The following MRPL21 variants were observed in gnomAD, a reference collection of about 807,000 sequenced individuals.
MRPL21 encodes mitochondrial ribosomal protein L21, also known as large ribosomal subunit protein bL21m.
Under a neutral mutation model 27.3 loss-of-function variants are expected in MRPL21, and 20 were observed. The observed-to-expected ratio is 0.73, with a 90% CI of 0.52 to 1.06. The LOEUF (loss-of-function observed/expected upper bound fraction) is 1.06, where lower values mean the gene tolerates loss of function less well. MRPL21 is among the 50% of genes least tolerant of loss of function. The pLI is 0.00. For synonymous variants in MRPL21, 98 were observed against 101.5 expected (o/e 0.97, Z 0.21); for missense variants, 249 against 251.4 (o/e 0.99, Z 0.06).
intron 3 of MRPL21, 56 bp downstream of exon 3, chr11:68,897,871 A>G: frequency 7.3e-7 from 1 of 1,360,800 alleles, no homozygotes; most frequent in Non-Finnish European, 1.1e-6. Flanking sequence ...TCTGTGGCTG[A>G]CTGGAGCAGG....
rs377409001 is a variant in MRPL21, at chr11:68,897,920, G to A, written c.232+7C>T. ...CCTCTAGCTTCTGTCTCCCAGGGAG[G>A]TCTTACCTGCATGGTGTCTGGTCTC... On this transcript the variant is annotated splice_region_variant and intron_variant, in intron 3 of 6. Transcript: ENST00000362034. The A allele has an allele frequency of 5.0e-6, 8 of 1,612,768 alleles. No individual in the cohort carries two copies. In the African/African-American group the frequency reaches 9.3e-5, roughly 19 times the overall value.
At chr11:68,893,591 G>A in intron 4 of MRPL21, 136 bp from the exon 5 acceptor site, 1 of 1,175,782 alleles carries the variant, frequency 8.5e-7, no homozygotes. Flanking sequence ...TTCATCTGCT[G>A]TCTAATGATC....
intron 5 of MRPL21, 168 bp downstream of exon 5, chr11:68,893,235 A>G: frequency 6.9e-7 from 1 of 1,439,074 alleles, no homozygotes; most frequent in East Asian, 2.5e-5. Flanking sequence ...TTTGGTCTGG[A>G]TGTTCTCATG....
chr11:68,895,865 C>T lies in MRPL21; in HGVS notation c.396+650G>A, dbSNP rs183071431. On this transcript the variant is annotated intron_variant, in intron 4 of 6. Transcript: ENST00000362034. ...TTTGGAATTTTAGTAGAGATGAGGT[C>T]TCTGAGGTCTCACCATGTTGCCCAG... is the stretch of plus-strand genomic sequence containing the variant. Among the ~76,000 whole-genome samples the T allele has an allele frequency of 2.0e-3, 298 of 152,170 alleles. 3 individuals carry two copies. Among genetic ancestry groups the T allele is most frequent in the African/African-American group, 6.6e-3 (273 of 41,514 alleles).
At position 68,903,788 on chromosome 11, in the gene MRPL21, A is replaced by C; in HGVS notation, c.23T>G (p.Val8Gly). ...CGCGGACGCCAGCCGCCCTAAGGTG[A>C]CCGTCAGGGAAGATGCTGCCATGGC... Reference protein sequence around the residue: MAASSLTVTLGRLASACS... With the variant: MAASSLTGTLGRLASACS... The change falls in exon 1 of 7, where the codon GTC becomes GGC. Residue 8 changes from valine (V) to glycine (G), a missense_variant. Physicochemically the swap from Val to Gly is moderately radical, Grantham distance 109. Transcript: ENST00000362034. 6.3e-7 allele frequency: 1 copy of C among 1,599,590 alleles called. No homozygotes were observed.
At chr11:68,891,546 A>C (rs1857646630) in intron 6 of MRPL21, 151 bp from the exon 7 acceptor site, 1 of 746,898 alleles carries the variant, frequency 1.3e-6, no homozygotes, top group South Asian at 1.5e-5. Context: ...GTGTGCACTG[A>C]CTGCCTCGCT....
chr11:68,899,245 A>C (rs1857876397), intron 2 of MRPL21, among the ~76,000 whole-genome samples: 1 of 152,082 alleles, frequency 6.6e-6, no homozygotes, highest in African/African-American at 2.4e-5. Flanking sequence ...TAGATCCCAA[A>C]CCGAATTATT....
chr11:68,898,539 G>A (rs1418737553), intron 2 of MRPL21, among the ~76,000 whole-genome samples: 6 of 152,216 alleles, frequency 3.9e-5, no homozygotes, highest in Admixed American at 3.9e-4. Flanking sequence ...TTCACACCCA[G>A]GTGAGTGCCA....
chr11:68,898,819 GCT>G (rs1361725780), intron 2 of MRPL21, among the ~76,000 whole-genome samples: 3 of 151,900 alleles, frequency 2.0e-5, no homozygotes, highest in African/African-American at 7.3e-5. Context: ...ACGGAGTCTC[GCT>G]CTGTCACCCA....
chr11:68,891,893 G>T, intron 6 of MRPL21: 1 of 490,234 alleles, frequency 2.0e-6, no homozygotes, highest in Non-Finnish European at 3.5e-6. Flanking sequence ...GCTCAGCTAT[G>T]TGGCCCATGC....
chr11:68,891,909 G>T, intron 6 of MRPL21: 3 of 504,268 alleles, frequency 5.9e-6, no homozygotes, highest in Non-Finnish European at 1.0e-5. Flanking sequence ...CATGCCCCGT[G>T]GGTGCCATCC....
chr11:68,891,504 C>G, intron 6 of MRPL21, 109 bp from the exon 7 acceptor site: 1 of 1,022,708 alleles, frequency 9.8e-7, no homozygotes, highest in Non-Finnish European at 1.5e-6. Flanking sequence ...CCGGCAACGT[C>G]CCCTGCTGCA....
intron 4 of MRPL21, among the ~76,000 whole-genome samples, chr11:68,894,020 T>C (rs1260131070): frequency 6.8e-6 from 1 of 147,332 alleles, no homozygotes; most frequent in African/African-American, 2.5e-5. Context: ...AGCGAGACTC[T>C]GTCTCAAAGA....
intron 2 of MRPL21, 143 bp from the exon 3 acceptor site, chr11:68,898,155 G>C (rs1857847273): frequency 1.5e-6 from 1 of 684,024 alleles, no homozygotes; most frequent in South Asian, 1.7e-5. Context: ...CGCCCCTCTG[G>C]GGTAACCCCG....
intron 1 of MRPL21, among the ~76,000 whole-genome samples, chr11:68,903,018 A>G (rs1308991558): frequency 6.6e-6 from 1 of 152,208 alleles, no homozygotes; most frequent in African/African-American, 2.4e-5. Context: ...GATGTCCTAC[A>G]GTTTATGTAA....
chr11:68,903,694 C>T (rs1350654854), intron 1 of MRPL21, 29 bp downstream of exon 1: 16 of 1,610,222 alleles, frequency 9.9e-6, no homozygotes, highest in Non-Finnish European at 1.4e-5. Flanking sequence ...GCTCTGCGTC[C>T]TCCCTTCCTC....
At position 68,896,001 on chromosome 11, in the gene MRPL21, C is replaced by T. The variant is rs576004949; in HGVS notation, c.396+514G>A. Among the ~76,000 whole-genome samples, 16 of 152,190 alleles carry T rather than the reference C, an allele frequency of 1.1e-4. No individual in the cohort carries two copies. The East Asian group carries it at 2.7e-3, about 26-fold the overall frequency. On this transcript the variant is annotated intron_variant, in intron 4 of 6. Coordinates refer to ENST00000362034, the MANE Select transcript of MRPL21 (RefSeq NM_181514.2). ...CCTAGACCATGCAGTTTTGAATGGT[C>T]GGTGAGGTAAATTAGCACCCAGGGA...
At chr11:68,893,338 G>A in intron 5 of MRPL21, 65 bp downstream of exon 5, 9 of 1,609,034 alleles carry the variant, frequency 5.6e-6, no homozygotes, top group Non-Finnish European at 5.1e-6. Flanking sequence ...TAATTGCACT[G>A]TGACCACTGT....
At chr11:68,897,115 T>C (rs1048543984) in intron 3 of MRPL21, among the ~76,000 whole-genome samples, 3 of 152,142 alleles carry the variant, frequency 2.0e-5, no homozygotes, top group African/African-American at 7.2e-5. Context: ...GACTTTGCAA[T>C]GAGGAGCCCC....
Sources: allele counts gnomAD v4.1 joint callset (sites outside exome capture counted in the v4.1 genomes callset), GRCh38; gene constraint gnomAD v4.1.1; transcripts MANE v1.5; gene names NCBI Gene and HGNC (gene_info 2026-07-23, HGNC 2026-07-21).